The following PDIA5 variants were observed in gnomAD, a reference collection of about 807,000 sequenced individuals.
The protein encoded by PDIA5 is protein disulfide-isomerase A5.
Under a neutral mutation model 77.6 loss-of-function variants are expected in PDIA5, and 58 were observed. That is an observed-to-expected ratio of 0.75 (90% CI 0.61 to 0.93). The LOEUF is 0.93. PDIA5 is among the 40% of genes least tolerant of loss of function. The pLI is 0.00. For missense variants in PDIA5, 630 were observed against 647.7 expected, an observed-to-expected ratio of 0.97 and a Z score of 0.30; for synonymous variants, 250 against 252.1, an observed-to-expected ratio of 0.99 and a Z score of 0.08.
chr3:123,086,988 A>G (rs971152003), intron 1 of PDIA5, among the ~76,000 whole-genome samples: 4 of 152,182 alleles, frequency 2.6e-5, no homozygotes, highest in East Asian at 1.9e-4. Flanking sequence ...TCTTATGCCA[A>G]TTCTGACTCC....
At chr3:123,073,111 T>A (rs1235124425) in intron 1 of PDIA5, among the ~76,000 whole-genome samples, 1 of 152,212 alleles carries the variant, frequency 6.6e-6, no homozygotes, top group Non-Finnish European at 1.5e-5. Flanking sequence ...AATTGTCAAA[T>A]CGGATGCATT....
intron 1 of PDIA5, among the ~76,000 whole-genome samples, chr3:123,072,222 A>T (rs1933741103): frequency 6.6e-6 from 1 of 152,236 alleles, no homozygotes; most frequent in Non-Finnish European, 1.5e-5. Flanking sequence ...TGGAAAGAAC[A>T]TGGGCTTTTA....
rs564304978 is a variant in PDIA5, at chr3:123,135,335, C to T, written c.910+4719C>T. Reference sequence around the variant, plus strand: ...GGGTGTTCCTGAGCAGCTCGTCTCTCCTAGGCCTGTGGACACCCATGCAGG... The same window carrying T: ...GGGTGTTCCTGAGCAGCTCGTCTCTTCTAGGCCTGTGGACACCCATGCAGG... On this transcript the variant is annotated intron_variant, in intron 11 of 16. Coordinates refer to ENST00000316218, the MANE Select transcript of PDIA5 (RefSeq NM_006810.4). 1.3e-3 allele frequency among the ~76,000 whole-genome samples: 197 copies of T among 152,288 alleles called. 1 individual carries two copies. The highest frequency in any genetic ancestry group is 4.5e-3 in the African/African-American group (189 of 41,550).
chr3:123,147,705 C>T (rs1935800943), intron 13 of PDIA5, among the ~76,000 whole-genome samples: 1 of 152,196 alleles, frequency 6.6e-6, no homozygotes. Flanking sequence ...GTCTTAGGGA[C>T]CAGAGGAAAA....
At chr3:123,077,029 G>C (rs926900241) in intron 1 of PDIA5, among the ~76,000 whole-genome samples, 1 of 152,328 alleles carries the variant, frequency 6.6e-6, no homozygotes. Context: ...CAAATGTAAG[G>C]TGTGGCTTTT....
At position 123,067,129 on chromosome 3, in the gene PDIA5, T is replaced by C; in HGVS notation, c.-36T>C. ...GGGCGGGCGGGAGCGGGCGCCGGAG[T>C]GGAGAAAGGAGCCAGCGGTGGGCAG... On this transcript the variant is annotated 5_prime_UTR_variant, in exon 1 of 17. Coordinates refer to ENST00000316218, the MANE Select transcript of PDIA5 (RefSeq NM_006810.4). The C allele has an allele frequency of 8.1e-7, 1 of 1,238,504 alleles. No homozygotes were observed. Among genetic ancestry groups the C allele is most frequent in the Non-Finnish European group, 1.0e-6 (1 of 988,980 alleles). The allele number at this position is 1,238,504 out of a possible 1,614,324, so 76.7% of individuals were successfully genotyped here. A position where few individuals can be genotyped will look rare whatever the true frequency, so the allele number is the denominator to read the frequency against.
intron 1 of PDIA5, among the ~76,000 whole-genome samples, chr3:123,075,230 T>C (rs982509858): frequency 1.3e-5 from 2 of 152,212 alleles, no homozygotes; most frequent in African/African-American, 4.8e-5. Context: ...CCAGTTCAAC[T>C]GCTGAGTGAG....
At chr3:123,091,514 G>A (rs1934282323) in intron 2 of PDIA5, among the ~76,000 whole-genome samples, 1 of 152,160 alleles carries the variant, frequency 6.6e-6, no homozygotes, top group East Asian at 1.9e-4. Flanking sequence ...GTGGATCATT[G>A]CAGGCTGGCA....
chr3:123,075,830 G>A (rs1257103996), intron 1 of PDIA5, among the ~76,000 whole-genome samples: 29 of 152,050 alleles, frequency 1.9e-4, no homozygotes, highest in Admixed American at 1.9e-3. Flanking sequence ...CCAGAATACC[G>A]AGCTCTGCGG....
chr3:123,107,230 G>T (rs1273283644), intron 6 of PDIA5, among the ~76,000 whole-genome samples: 1 of 151,998 alleles, frequency 6.6e-6, no homozygotes, highest in Non-Finnish European at 1.5e-5. Context: ...TAGAGATTTG[G>T]GTTAGATTTC....
In PDIA5 at chr3:123,092,307, C is replaced by T. The variant is rs770930111; in HGVS notation, c.170-48C>T. 2.7e-6 allele frequency: 4 copies of T among 1,463,462 alleles called. No homozygotes were observed. The South Asian group carries it at 4.5e-5, about 17-fold the overall frequency. The allele number at this position is 1,463,462 out of a possible 1,614,324, so 90.7% of individuals were successfully genotyped here. ...CCTGAGGGAAGATAGCAGACATGAC[C>T]CAGTGCCCTTGGTCACAGATGTTTA... is the stretch of plus-strand genomic sequence containing the variant. On this transcript the variant is annotated intron_variant, in intron 2 of 16. Coordinates refer to ENST00000316218, the MANE Select transcript of PDIA5 (RefSeq NM_006810.4).
rs1449431971 is a variant in PDIA5 at position 123,114,908 on chromosome 3, G to C, written c.542-1323G>C. Reference sequence around the variant, plus strand: ...GGGGTGTGTGTGAGTCCATCTGTCAGACAGGAATGTCAGGAGGGGGCTGTG... The same window carrying C: ...GGGGTGTGTGTGAGTCCATCTGTCACACAGGAATGTCAGGAGGGGGCTGTG... On this transcript the variant is annotated intron_variant, in intron 7 of 16. Transcript: ENST00000316218. 2.6e-5 allele frequency among the ~76,000 whole-genome samples: 4 copies of C among 152,228 alleles called. No individual in the cohort carries two copies. The East Asian group carries it at 7.7e-4, about 29-fold the overall frequency.
intron 11 of PDIA5, among the ~76,000 whole-genome samples, chr3:123,136,479 G>A (rs1317906868): frequency 1.3e-5 from 2 of 152,098 alleles, no homozygotes; most frequent in South Asian, 2.1e-4. Context: ...GGTGGCTCAC[G>A]CCTGTAATCC....
At chr3:123,085,726 G>A (rs925875603) in intron 1 of PDIA5, among the ~76,000 whole-genome samples, 3 of 152,168 alleles carry the variant, frequency 2.0e-5, no homozygotes, top group Non-Finnish European at 4.4e-5. Flanking sequence ...AGAAGCGTGG[G>A]TGCCTACCAG....
intron 11 of PDIA5, among the ~76,000 whole-genome samples, chr3:123,134,232 C>T (rs1256072271): frequency 6.6e-6 from 1 of 152,158 alleles, no homozygotes; most frequent in Non-Finnish European, 1.5e-5. Flanking sequence ...CTTTGTTGCC[C>T]AGGCTGGTCT....
chr3:123,106,834 G>T lies in PDIA5; in HGVS notation c.473G>T (p.Ser158Ile), dbSNP rs148629858. ...PGAKDVVHLD[S>I]EKDFRRLLKK... ...GCCAAAGATGTTGTCCACCTTGACAGTGAAAAGGTAATGTATTCCCCGTCA... is the reference window on the plus strand; with the variant it reads ...GCCAAAGATGTTGTCCACCTTGACATTGAAAAGGTAATGTATTCCCCGTCA... The change falls in exon 6 of 17, where the codon AGT (serine) becomes ATT (isoleucine). Residue 158 changes from serine to isoleucine, a missense_variant. By Grantham distance (142) the Ser-to-Ile change is moderately radical (BLOSUM62 -2). Transcript: ENST00000316218. 1.2e-6 allele frequency: 2 copies of T among 1,604,270 alleles called. No individual in the cohort carries two copies. The highest frequency in any genetic ancestry group is 2.7e-5 in the African/African-American group (2 of 74,852).
intron 8 of PDIA5, among the ~76,000 whole-genome samples, chr3:123,116,940 C>A (rs1023832483): frequency 6.6e-6 from 1 of 150,614 alleles, no homozygotes; most frequent in Non-Finnish European, 1.5e-5. Context: ...AGAGGAGCCA[C>A]TAAGGAAATG....
At chr3:123,157,313 A>G (rs1209784431) in intron 15 of PDIA5, among the ~76,000 whole-genome samples, 3 of 152,180 alleles carry the variant, frequency 2.0e-5, no homozygotes, top group Non-Finnish European at 4.4e-5. Flanking sequence ...CACTGTGACT[A>G]CTGGGTCCCA....
At chr3:123,142,331 T>A (rs1015581271) in intron 11 of PDIA5, among the ~76,000 whole-genome samples, 1 of 152,244 alleles carries the variant, frequency 6.6e-6, no homozygotes, top group Non-Finnish European at 1.5e-5. Context: ...GGAATCTGCA[T>A]GTAATCGGTG....
Sources: gnomAD v4.1 joint callset for allele counts (sites outside exome capture counted in the v4.1 genomes callset) on GRCh38, gnomAD v4.1.1 for gene constraint, MANE v1.5 for transcripts, NCBI Gene and HGNC (gene_info 2026-07-23, HGNC 2026-07-21) for gene names.